The following WDPCP variants were observed in gnomAD, a reference collection of about 807,000 sequenced individuals.
WDPCP encodes WD repeat-containing and planar cell polarity effector protein fritz homolog.
Under a neutral mutation model 93.1 loss-of-function variants are expected in WDPCP, and 71 were observed. The ratio of observed to expected loss-of-function variants is 0.76; its 90% confidence interval spans 0.63 to 0.93. The LOEUF (loss-of-function observed/expected upper bound fraction) is 0.93, where lower values mean the gene tolerates loss of function less well. Ranked by LOEUF, WDPCP falls within the 40% of genes least tolerant of loss-of-function variation. The pLI is 0.00. For missense variants in WDPCP, 844 were observed against 887.4 expected (o/e 0.95, Z 0.62); for synonymous variants, 315 against 315.0 (o/e 1.00, Z 0.00).
At chr2:63,562,626 T>C (rs576667463) in intron 1 of WDPCP, among the ~76,000 whole-genome samples, 2 of 152,354 alleles carry the variant, frequency 1.3e-5, no homozygotes, top group African/African-American at 2.4e-5. Context: ...ACTATGAGAA[T>C]TGCCAAAGAT....
chr2:63,840,320 T>G, the WDPCP span, among the ~76,000 whole-genome samples: 2 of 152,218 alleles, frequency 1.3e-5, no homozygotes, highest in African/African-American at 4.8e-5. Context: ...ACATCCTCTT[T>G]CCTTGAGGAC....
intron 1 of WDPCP, among the ~76,000 whole-genome samples, chr2:63,567,949 G>A (rs950386624): frequency 6.6e-6 from 1 of 152,186 alleles, no homozygotes; most frequent in African/African-American, 2.4e-5. Flanking sequence ...TTTGAATTTA[G>A]AATAGGGTTG....
intron 3 of WDPCP, chr2:63,599,419 TA>T: frequency 1.1e-6 from 1 of 919,168 alleles, no homozygotes; most frequent in East Asian, 3.0e-5. Context: ...CTATTACTTT[TA>T]TTAAATTAAA....
intron 3 of WDPCP, chr2:63,597,190 C>A: frequency 1.3e-6 from 1 of 769,494 alleles, no homozygotes; most frequent in Non-Finnish European, 1.6e-6. Flanking sequence ...ATTATTGAAA[C>A]AGGAAAAGCA....
chr2:63,127,984 A>T (rs13402860), intron 17 of WDPCP, among the ~76,000 whole-genome samples: 15 of 151,812 alleles, frequency 9.9e-5, no homozygotes, highest in African/African-American at 3.4e-4. Flanking sequence ...TCTAAAAATA[A>T]ACAAATTAGC....
intron 10 of WDPCP, among the ~76,000 whole-genome samples, chr2:63,391,741 A>C (rs1444444724): frequency 6.6e-6 from 1 of 152,188 alleles, no homozygotes; most frequent in Non-Finnish European, 1.5e-5. Context: ...CCTATACATC[A>C]ATAATAGACA....
At chr2:63,137,032 T>C (rs769638992) in intron 17 of WDPCP, among the ~76,000 whole-genome samples, 3 of 152,202 alleles carry the variant, frequency 2.0e-5, no homozygotes, top group Non-Finnish European at 2.9e-5. Context: ...TGCATGCATG[T>C]CTTTATAACA....
upstream of WDPCP, chr2:63,588,747 A>T (rs1020544273): frequency 1.9e-6 from 1 of 521,528 alleles, no homozygotes; most frequent in South Asian, 2.2e-5. Flanking sequence ...GTCGTCCTCC[A>T]ATCACAGGGG....
intron 6 of WDPCP, among the ~76,000 whole-genome samples, chr2:63,453,313 C>T (rs1293759767): frequency 6.6e-6 from 1 of 152,166 alleles, no homozygotes; most frequent in Non-Finnish European, 1.5e-5. Context: ...CAAAAGAAGA[C>T]ATTTATGCAG....
intron 13 of WDPCP, among the ~76,000 whole-genome samples, chr2:63,287,481 T>G (rs932680943): frequency 1.3e-5 from 2 of 152,184 alleles, no homozygotes; most frequent in Non-Finnish European, 2.9e-5. Flanking sequence ...TTCCCATTCC[T>G]AGTATTCCTT....
At chr2:63,575,689 ATAC>A (rs1169363844) in intron 1 of WDPCP, among the ~76,000 whole-genome samples, 3 of 150,526 alleles carry the variant, frequency 2.0e-5, no homozygotes, top group Non-Finnish European at 4.4e-5. Context: ...AGTATACTGT[ATAC>A]TACTAAAAAT....
rs144248589 is a variant in WDPCP, at chr2:63,674,753, A to G, written n.309-23915T>C. On this transcript the variant is annotated intron_variant and non_coding_transcript_variant, in intron 2 of 4. Transcript: ENST00000467687. ...AAGCATTCAATGGTTTAAAATTTAT[A>G]TAATATGTGTGTTATAAATGAATTC... Among the ~76,000 whole-genome samples the G allele has an allele frequency of 4.6e-3, 695 of 152,050 alleles. 9 individuals are homozygous for G. Among genetic ancestry groups the G allele is most frequent in the African/African-American group, 0.016 (659 of 41,488 alleles).
chr2:63,373,372 T>C (rs2104802724), intron 12 of WDPCP, among the ~76,000 whole-genome samples: 1 of 151,658 alleles, frequency 6.6e-6, no homozygotes, highest in South Asian at 2.1e-4. Flanking sequence ...ATCCCAGCCT[T>C]CCAAGTAGCT....
intron 12 of WDPCP, among the ~76,000 whole-genome samples, chr2:63,347,686 G>T (rs1414968367): frequency 1.3e-5 from 2 of 151,984 alleles, no homozygotes; most frequent in Non-Finnish European, 2.9e-5. Context: ...TTTTGTGGGG[G>T]GGTCATTGGG....
intron 3 of WDPCP, among the ~76,000 whole-genome samples, chr2:63,616,864 T>C (rs1709678565): frequency 2.6e-5 from 4 of 152,048 alleles, no homozygotes; most frequent in Admixed American, 1.3e-4. Context: ...AACAAAATGC[T>C]TTTTTTTAAT....
At chr2:63,702,558 G>A (rs867900551) in intron 2 of WDPCP, among the ~76,000 whole-genome samples, 1 of 150,716 alleles carries the variant, frequency 6.6e-6, no homozygotes, top group African/African-American at 2.4e-5. Context: ...TTGGTGTAGG[G>A]GGCGGAGTCT....
At chr2:63,224,967 T>C (rs962822440) in intron 14 of WDPCP, among the ~76,000 whole-genome samples, 2 of 151,698 alleles carry the variant, frequency 1.3e-5, no homozygotes, top group South Asian at 4.2e-4. Context: ...GATGTTGTTA[T>C]AGGGGAAGAC....
intron 1 of WDPCP, among the ~76,000 whole-genome samples, chr2:63,507,925 T>C (rs1002914369): frequency 1.3e-5 from 2 of 152,112 alleles, no homozygotes; most frequent in Non-Finnish European, 2.9e-5. Context: ...GCAAGAAATA[T>C]GGGACTATGT....
intron 14 of WDPCP, among the ~76,000 whole-genome samples, chr2:63,189,306 C>T (rs993087296): frequency 1.2e-4 from 19 of 152,194 alleles, no homozygotes; most frequent in African/African-American, 4.3e-4. Context: ...AAGTTTCACT[C>T]TATTTCTTCT....
Sources: gnomAD v4.1 joint callset for allele counts (sites outside exome capture counted in the v4.1 genomes callset) on GRCh38, gnomAD v4.1.1 for gene constraint, MANE v1.5 for transcripts, NCBI Gene and HGNC (gene_info 2026-07-23, HGNC 2026-07-21) for gene names.